SLC12A1: variants seen among roughly 807,000 people sequenced by gnomAD.
The protein encoded by SLC12A1 is solute carrier family 12 member 1.
In SLC12A1, 89 loss-of-function variants were observed where a neutral mutation model predicts 130.4. That is an observed-to-expected ratio of 0.68 (90% CI 0.58 to 0.81). SLC12A1 has a LOEUF of 0.81. Ranked by LOEUF, SLC12A1 falls within the 40% of genes least tolerant of loss-of-function variation. SLC12A1 has a pLI of 0.00. For missense variants in SLC12A1, 1,310 were observed against 1,336.4 expected, an observed-to-expected ratio of 0.98 and a Z score of 0.31; for synonymous variants, 499 against 460.0, an observed-to-expected ratio of 1.08 and a Z score of -1.09.
In SLC12A1 at chr15:48,226,496, C is replaced by T. The variant is rs1352701097; in HGVS notation, c.649C>T (p.Leu217Phe). Reference protein sequence around the residue: ...AGIGLGVLIILLSTMVTSITG... With the variant: ...AGIGLGVLIIFLSTMVTSITG... ...AACAGGTCTTGGAGTTCTCATAATT[C>T]TTCTTTCCACCATGGTAACTTCTAT... is the stretch of plus-strand genomic sequence containing the variant. Residue 217 changes from leucine to phenylalanine, a missense_variant, in exon 5 of 27, where the codon CTT becomes TTT. Coordinates refer to ENST00000380993, the MANE Select transcript of SLC12A1 (RefSeq NM_000338.3). The T allele has an allele frequency of 6.9e-6, 11 of 1,596,822 alleles. No homozygotes were observed. Among genetic ancestry groups the T allele is most frequent in the Admixed American group, 1.8e-5 (1 of 56,914 alleles).
At chr15:48,291,466 C>T (rs545837379) in intron 23 of SLC12A1, among the ~76,000 whole-genome samples, 2 of 152,140 alleles carry the variant, frequency 1.3e-5, no homozygotes, top group Non-Finnish European at 2.9e-5. Flanking sequence ...GACTTGCTGT[C>T]TTTCAAATAA....
At chr15:48,257,901 T>G (rs2041725887) in intron 16 of SLC12A1, among the ~76,000 whole-genome samples, 1 of 152,224 alleles carries the variant, frequency 6.6e-6, no homozygotes, top group Non-Finnish European at 1.5e-5. Context: ...ACATGGTTTT[T>G]TCCTTTCTAC....
Position 48,262,801 on chromosome 15 carries a change from T to C in SLC12A1, c.2154+3490T>C, listed in dbSNP as rs988851945. Among the ~76,000 whole-genome samples the C allele has an allele frequency of 2.6e-5, 4 of 152,184 alleles. 1 individual carries two copies. The highest frequency in any genetic ancestry group is 5.9e-5 in the Non-Finnish European group (4 of 68,022). On this transcript the variant is annotated intron_variant, in intron 17 of 26. Coordinates refer to ENST00000380993, the MANE Select transcript of SLC12A1 (RefSeq NM_000338.3). ...CATAGGAAGACAGAGGGAGGAAAAC[T>C]CCACCTTGTAGCATCCCCCTCATAT...
At chr15:48,240,058 T>A (rs1367843107) in intron 9 of SLC12A1, among the ~76,000 whole-genome samples, 1 of 106,880 alleles carries the variant, frequency 9.4e-6, no homozygotes, top group African/African-American at 4.7e-5. Flanking sequence ...TCCATATATA[T>A]ATATATATAT....
chr15:48,301,169 C>T, intron 25 of SLC12A1, 146 bp from the exon 26 acceptor site: 2 of 662,832 alleles, frequency 3.0e-6, no homozygotes, highest in South Asian at 1.8e-5. Context: ...TTTAAAACAC[C>T]ATAAGTTTCT....
At chr15:48,247,840 A>G (rs1337320435) in intron 13 of SLC12A1, among the ~76,000 whole-genome samples, 5 of 152,012 alleles carry the variant, frequency 3.3e-5, no homozygotes, top group African/African-American at 1.2e-4. Flanking sequence ...GACCATCTAT[A>G]TCGCAATCAC....
chr15:48,210,042 A>G (rs2041033618), intron 2 of SLC12A1, among the ~76,000 whole-genome samples: 1 of 152,160 alleles, frequency 6.6e-6, no homozygotes, highest in Non-Finnish European at 1.5e-5. Context: ...GGCAATTTGA[A>G]CTGTTGAAAT....
intron 25 of SLC12A1, 135 bp downstream of exon 25, chr15:48,299,410 C>CAAAAATCATCTATCA: frequency 1.2e-6 from 1 of 824,782 alleles, no homozygotes; most frequent in Non-Finnish European, 1.7e-6. Context: ...CTGCATTTTT[C>CAAAAATCATCTATCA]AAGTGCTTTT....
intron 20 of SLC12A1, among the ~76,000 whole-genome samples, chr15:48,284,807 C>T (rs1359223251): frequency 6.6e-6 from 1 of 152,084 alleles, no homozygotes; most frequent in Non-Finnish European, 1.5e-5. Context: ...ATTTTTGTAT[C>T]GTTCATAGAG....
Position 48,234,924 on chromosome 15 carries a change from G to A in SLC12A1, c.1135G>A (p.Gly379Ser). The change falls in exon 9 of 27, where the codon GGC becomes AGC. Residue 379 changes from glycine to serine, a missense_variant. Coordinates refer to ENST00000380993, the MANE Select transcript of SLC12A1 (RefSeq NM_000338.3). ...TGGGCCACGCTTCACAAAGGGTGAAGGCTTCTTCTCTGTCTTTGCCATTTT... is the reference window on the plus strand; with the variant it reads ...TGGGCCACGCTTCACAAAGGGTGAAAGCTTCTTCTCTGTCTTTGCCATTTT... ...NFGPRFTKGE[G>S]FFSVFAIFFP... The A allele has an allele frequency of 6.2e-7, 1 of 1,613,776 alleles. No individual in the cohort carries two copies. The highest frequency in any genetic ancestry group is 8.5e-7 in the Non-Finnish European group (1 of 1,179,746).
chr15:48,246,814 T>C, intron 11 of SLC12A1, 95 bp from the exon 12 acceptor site: 2 of 848,240 alleles, frequency 2.4e-6, no homozygotes, highest in East Asian at 4.8e-5. Flanking sequence ...AATGTGAGAA[T>C]GAAGCAGGGG....
intron 25 of SLC12A1, among the ~76,000 whole-genome samples, chr15:48,300,518 G>A (rs933295706): frequency 6.6e-6 from 1 of 152,102 alleles, no homozygotes; most frequent in Non-Finnish European, 1.5e-5. Context: ...TGCCCACCAT[G>A]CCCTACATAA....
At chr15:48,223,358 G>A (rs1262753572) in intron 4 of SLC12A1, 1 of 152,146 alleles carries the variant, frequency 6.6e-6, no homozygotes, top group African/African-American at 2.4e-5. Flanking sequence ...TCCTGAAGCA[G>A]GTGGTTCAAG....
At position 48,288,418 on chromosome 15, in the gene SLC12A1, T is replaced by C; in HGVS notation, c.2775T>C (p.Leu925=). 1.3e-6 allele frequency: 2 copies of C among 1,497,766 alleles called. No homozygotes were observed. Among genetic ancestry groups the C allele is most frequent in the Non-Finnish European group, 1.8e-6 (2 of 1,097,230 alleles). 92.8% of individuals were successfully genotyped at this position (1,497,766 alleles called of 1,614,324 possible). ...WLFDDGGLTL[L]IPYILTLRKK... is the part of the protein sequence containing the mutation. ...TCTTTATTCCAGGGTTAACACTTCT[T>C]ATCCCCTATATCTTAACTCTCAGAA... The change falls in exon 23 of 27, where the codon CTT becomes CTC. Residue 925 remains leucine (L), a synonymous_variant. Transcript: ENST00000380993.
At chr15:48,269,594 T>C in intron 18 of SLC12A1, 64 bp from the exon 19 acceptor site, 1 of 821,810 alleles carries the variant, frequency 1.2e-6, no homozygotes, top group Admixed American at 2.0e-5. Flanking sequence ...ACATTATTTT[T>C]CATTTGTGAT....
At chr15:48,231,251 G>A (rs2041373598) in intron 7 of SLC12A1, among the ~76,000 whole-genome samples, 1 of 152,198 alleles carries the variant, frequency 6.6e-6, no homozygotes, top group Non-Finnish European at 1.5e-5. Context: ...ACCACATGTT[G>A]AGCATTCTTC....
intron 23 of SLC12A1, among the ~76,000 whole-genome samples, chr15:48,291,510 T>A (rs1434900057): frequency 6.6e-6 from 1 of 152,198 alleles, no homozygotes; most frequent in Non-Finnish European, 1.5e-5. Flanking sequence ...TTCTGTTCCC[T>A]GTGACATAAA....
In SLC12A1 at chr15:48,259,219, A is replaced by G; in HGVS notation, c.2062A>G (p.Thr688Ala). The G allele has an allele frequency of 6.2e-7, 1 of 1,613,114 alleles. No individual in the cohort carries two copies. Among genetic ancestry groups the G allele is most frequent in the East Asian group, 2.2e-5 (1 of 44,880 alleles). ...KNFRPQCIVLTGGPMTRPALL... is the reference protein window; with the variant it reads ...KNFRPQCIVLAGGPMTRPALL... Reference sequence around the variant, plus strand: ...TTCCAGGCCCCAGTGCATTGTCTTAACAGGGGGACCCATGACAAGACCTGC... The same window carrying G: ...TTCCAGGCCCCAGTGCATTGTCTTAGCAGGGGGACCCATGACAAGACCTGC... Residue 688 changes from threonine (T) to alanine (A), a missense_variant, in exon 17 of 27, where the codon ACA (threonine) becomes GCA (alanine). Physicochemically the swap from Thr to Ala is moderately conservative, Grantham distance 58 (BLOSUM62 0). Coordinates refer to ENST00000380993, the MANE Select transcript of SLC12A1 (RefSeq NM_000338.3).
intron 10 of SLC12A1, among the ~76,000 whole-genome samples, chr15:48,242,713 G>A (rs2041531592): frequency 6.6e-6 from 1 of 152,114 alleles, no homozygotes; most frequent in Admixed American, 6.5e-5. Context: ...GAGGTGGGAG[G>A]ATTGCTTAAG....
Sources: allele counts gnomAD v4.1 joint callset (sites outside exome capture counted in the v4.1 genomes callset), GRCh38; gene constraint gnomAD v4.1.1; transcripts MANE v1.5; gene names NCBI Gene and HGNC (gene_info 2026-07-23, HGNC 2026-07-21).